PRRC2C: variants seen among roughly 807,000 people sequenced by gnomAD.
PRRC2C encodes the protein proline rich coiled-coil 2C, also known as protein PRRC2C.
PRRC2C carries 72 observed loss-of-function variants against 317.2 expected under a neutral mutation model. That is an observed-to-expected ratio of 0.23 (90% CI 0.19 to 0.28). The LOEUF (loss-of-function observed/expected upper bound fraction) is 0.28. PRRC2C is among the 10% of genes least tolerant of loss of function. The pLI is 1.00. For synonymous variants in PRRC2C, 1,296 were observed against 1,205.9 expected (o/e 1.07, Z -1.55); for missense variants, 3,074 against 3,459.7 (o/e 0.89, Z 2.80).
chr1:171,577,326 C>A, intron 25 of PRRC2C, 108 bp from the exon 26 acceptor site: 2 of 933,092 alleles, frequency 2.1e-6, no homozygotes, highest in Non-Finnish European at 3.3e-6. Context: ...TATATAAGTA[C>A]GTGATGGGTA....
intron 17 of PRRC2C, among the ~76,000 whole-genome samples, chr1:171,547,633 C>CTTTTTTTTTTTTTTTTT (rs35480518): frequency 7.7e-6 from 1 of 129,840 alleles, no homozygotes. Flanking sequence ...AGTTTCCCTT[C>CTTTTTTTTTTTTTTTTT]TTTTTTTTTT....
chr1:171,532,111 T>A (rs1408076318), intron 11 of PRRC2C, among the ~76,000 whole-genome samples: 1 of 152,230 alleles, frequency 6.6e-6, no homozygotes, highest in Non-Finnish European at 1.5e-5. Flanking sequence ...TCTGGCACAA[T>A]AATAGGTACA....
At chr1:171,518,495 T>TTTTTTTTTCAA (rs1672866309) in intron 6 of PRRC2C, among the ~76,000 whole-genome samples, 24 of 47,436 alleles carry the variant, frequency 5.1e-4, no homozygotes, top group Non-Finnish European at 8.5e-4. Flanking sequence ...TTTTTTTCAA[T>TTTTTTTTTCAA]TTTTTTTTTT....
At chr1:171,506,348 T>C (rs1670216490) in intron 1 of PRRC2C, among the ~76,000 whole-genome samples, 1 of 152,236 alleles carries the variant, frequency 6.6e-6, no homozygotes, top group Non-Finnish European at 1.5e-5. Flanking sequence ...TAAAGCAACA[T>C]TTTCTCTTGT....
intron 20 of PRRC2C, among the ~76,000 whole-genome samples, chr1:171,561,979 A>G (rs547648452): frequency 6.6e-6 from 1 of 152,164 alleles, no homozygotes; most frequent in East Asian, 1.9e-4. Context: ...TGGGACTTCC[A>G]TTGTCCTGTG....
intron 19 of PRRC2C, among the ~76,000 whole-genome samples, chr1:171,559,505 G>GTTTGTTTTTT (rs369721741): frequency 1.1e-5 from 1 of 95,124 alleles, no homozygotes; most frequent in Non-Finnish European, 2.0e-5. Context: ...GGCATACCAA[G>GTTTGTTTTTT]TTTGTTTTTT....
At chr1:171,498,076 C>T (rs935508800) in intron 1 of PRRC2C, among the ~76,000 whole-genome samples, 1 of 151,552 alleles carries the variant, frequency 6.6e-6, no homozygotes, top group Non-Finnish European at 1.5e-5. Context: ...ATCCTTCCGC[C>T]TCGGCTTCCG....
intron 28 of PRRC2C, among the ~76,000 whole-genome samples, 168 bp from the exon 29 acceptor site, chr1:171,583,788 G>A (rs1248766579): frequency 2.0e-5 from 3 of 152,138 alleles, no homozygotes; most frequent in Non-Finnish European, 4.4e-5. Flanking sequence ...GAATTTTTCA[G>A]CTTCCTTATG....
At chr1:171,537,966 T>TCTCAG (rs1249673563) in intron 15 of PRRC2C, among the ~76,000 whole-genome samples, 1 of 152,136 alleles carries the variant, frequency 6.6e-6, no homozygotes, top group African/African-American at 2.4e-5. Flanking sequence ...AGTGGCGCGA[T>TCTCAG]CTCAGCTCAC....
intron 28 of PRRC2C, among the ~76,000 whole-genome samples, chr1:171,582,422 G>C (rs1392788541): frequency 1.3e-5 from 2 of 152,134 alleles, no homozygotes; most frequent in Non-Finnish European, 2.9e-5. Context: ...GAGCTAATTA[G>C]AGTGCATCCA....
At chr1:171,504,091 T>C (rs991609592) in intron 1 of PRRC2C, among the ~76,000 whole-genome samples, 4 of 152,200 alleles carry the variant, frequency 2.6e-5, no homozygotes, top group African/African-American at 7.2e-5. Context: ...CTTCATATGC[T>C]TACTTACCAT....
In PRRC2C at chr1:171,591,856, G is replaced by C. The variant is rs771746670; in HGVS notation, c.*9G>C. 42 of 1,369,856 alleles carry C rather than the reference G, an allele frequency of 3.1e-5. No individual in the cohort carries two copies. The highest frequency in any genetic ancestry group is 3.1e-5 in the Non-Finnish European group (31 of 1,006,776). The allele number at this position is 1,369,856 out of a possible 1,614,324, so 84.9% of individuals were successfully genotyped here. A position where few individuals can be genotyped will look rare whatever the true frequency, so the allele number is the denominator to read the frequency against. ...AAGAAACAAAATCTTAAAGGCTATG[G>C]TTTATTGCAGGGGATTGGGAGGGGG... is the stretch of plus-strand genomic sequence containing the variant. On this transcript the variant is annotated 3_prime_UTR_variant, in exon 35 of 35. Transcript: ENST00000647382.
intron 28 of PRRC2C, among the ~76,000 whole-genome samples, chr1:171,583,128 C>T (rs1649071798): frequency 6.6e-6 from 1 of 151,996 alleles, no homozygotes; most frequent in Admixed American, 6.6e-5. Flanking sequence ...CACTTGCTAC[C>T]ATGCCCACCT....
chr1:171,504,547 A>T (rs1669820499), intron 1 of PRRC2C, among the ~76,000 whole-genome samples: 1 of 152,048 alleles, frequency 6.6e-6, no homozygotes, highest in African/African-American at 2.4e-5. Flanking sequence ...TTATCCACTG[A>T]ATTTCTTTGC....
intron 20 of PRRC2C, 118 bp downstream of exon 20, chr1:171,561,221 G>C (rs150044220): frequency 1.0e-6 from 1 of 1,001,016 alleles, no homozygotes; most frequent in East Asian, 2.4e-5. Flanking sequence ...CTTGAGTCCG[G>C]GAGTTTGAGA....
At chr1:171,535,637 G>A (rs554295692) in intron 13 of PRRC2C, 40 bp downstream of exon 13, 8 of 1,596,528 alleles carry the variant, frequency 5.0e-6, no homozygotes, top group Non-Finnish European at 6.0e-6. Flanking sequence ...TGTGATTGAA[G>A]TGGTTTATTA....
chr1:171,574,847 A>G, intron 24 of PRRC2C, 80 bp from the exon 25 acceptor site: 1 of 1,321,838 alleles, frequency 7.6e-7, no homozygotes, highest in Non-Finnish European at 1.1e-6. Context: ...TTTGGCACTT[A>G]AATACTGATA....
At chr1:171,568,221 A>T in intron 22 of PRRC2C, 26 bp from the exon 23 acceptor site, 1 of 1,563,088 alleles carries the variant, frequency 6.4e-7, no homozygotes, top group Middle Eastern at 1.7e-4. Flanking sequence ...TTTAAAATGT[A>T]TTTTTTTTCT....
At chr1:171,548,872 T>C (rs1023849776) in intron 17 of PRRC2C, among the ~76,000 whole-genome samples, 1 of 152,224 alleles carries the variant, frequency 6.6e-6, no homozygotes, top group Non-Finnish European at 1.5e-5. Flanking sequence ...TCTTTATTTA[T>C]TGAGACAGGG....
Sources: allele counts gnomAD v4.1 joint callset (sites outside exome capture counted in the v4.1 genomes callset), GRCh38; gene constraint gnomAD v4.1.1; transcripts MANE v1.5; gene names NCBI Gene and HGNC (gene_info 2026-07-23, HGNC 2026-07-21).